Variants in SYT2 observed in about 807,000 individuals in gnomAD.
SYT2 encodes the protein synaptotagmin-2.
A neutral mutation model predicts 39.9 loss-of-function variants in SYT2; 15 were observed. The observed-to-expected ratio is 0.38, with a 90% CI of 0.25 to 0.58. The LOEUF (loss-of-function observed/expected upper bound fraction) is 0.58. SYT2 is among the 20% of genes least tolerant of loss of function. The pLI is 0.70. For missense variants in SYT2, 389 were observed against 530.3 expected, an observed-to-expected ratio of 0.73 and a Z score of 2.62; for synonymous variants, 181 against 204.5, an observed-to-expected ratio of 0.89 and a Z score of 0.98.
rs1692033415 is a variant in SYT2 at position 202,644,516 on chromosome 1, T to G, written c.-17-38727A>C. Among the ~76,000 whole-genome samples, 3 of 152,118 alleles carry G rather than the reference T, an allele frequency of 2.0e-5. No homozygotes were observed. In the South Asian group the frequency reaches 6.2e-4, roughly 32 times the overall value. On this transcript the variant is annotated intron_variant, in intron 1 of 8. Transcript: ENST00000367268. ...ACAGCTCGCCAGGTGGAATTTCTGC[T>G]GCTGTCCGGCCATTAACCACCCCTG...
chr1:202,664,938 CG>C (rs1170177357), intron 1 of SYT2, among the ~76,000 whole-genome samples: 1 of 152,178 alleles, frequency 6.6e-6, no homozygotes, highest in Non-Finnish European at 1.5e-5. Context: ...GGATTACAGG[CG>C]TGAGCCACTG....
intron 1 of SYT2, among the ~76,000 whole-genome samples, chr1:202,708,069 G>A (rs1654296943): frequency 6.6e-6 from 1 of 152,208 alleles, no homozygotes; most frequent in Non-Finnish European, 1.5e-5. Flanking sequence ...TACATGCTTT[G>A]CCCAGGTGAA....
At chr1:202,704,590 C>T (rs1312881126) in intron 1 of SYT2, among the ~76,000 whole-genome samples, 1 of 152,164 alleles carries the variant, frequency 6.6e-6, no homozygotes, top group African/African-American at 2.4e-5. Flanking sequence ...GAAGCAGTCA[C>T]ACACCCACTA....
intron 1 of SYT2, among the ~76,000 whole-genome samples, chr1:202,612,575 C>T (rs1379050925): frequency 6.6e-6 from 1 of 152,188 alleles, no homozygotes; most frequent in Non-Finnish European, 1.5e-5. Flanking sequence ...CCATGCTGCC[C>T]AGGCTGGTCT....
chr1:202,705,110 CGAG>C (rs1214007795), intron 1 of SYT2, among the ~76,000 whole-genome samples: 5 of 152,246 alleles, frequency 3.3e-5, no homozygotes, highest in African/African-American at 1.2e-4. Flanking sequence ...TGAGAAGCGG[CGAG>C]GAGAGGAGGA....
chr1:202,608,882 A>AT (rs1156533702), intron 1 of SYT2, among the ~76,000 whole-genome samples: 1 of 152,108 alleles, frequency 6.6e-6, no homozygotes. Context: ...GACAACACTT[A>AT]TTTTTTTATT....
intron 1 of SYT2, among the ~76,000 whole-genome samples, chr1:202,619,772 A>G (rs1558433473): frequency 1.3e-5 from 2 of 152,256 alleles, no homozygotes; most frequent in African/African-American, 2.4e-5. Context: ...AAGGCACTGC[A>G]GACCTGGAGG....
chr1:202,671,134 G>A (rs1399803082), intron 1 of SYT2, among the ~76,000 whole-genome samples: 2 of 152,240 alleles, frequency 1.3e-5, no homozygotes, highest in Non-Finnish European at 2.9e-5. Context: ...CCCCTGTGAG[G>A]GGCAATAGGG....
chr1:202,612,953 G>C (rs789907), intron 1 of SYT2, among the ~76,000 whole-genome samples: 2 of 151,428 alleles, frequency 1.3e-5, no homozygotes, highest in Admixed American at 6.6e-5. Flanking sequence ...CATTATAAAT[G>C]GAATTGTTTT....
At position 202,693,847 on chromosome 1, in the gene SYT2, G is replaced by GTGC. The variant is rs969758647; in HGVS notation, c.-18+16408_-18+16410dup. On this transcript the variant is annotated intron_variant, in intron 1 of 8. Transcript: ENST00000367268. ...TTAAAAGATGTTTAATTGGCTCATG[G>GTGC]TGCTTCAGGCTGTATAGGAAGCATT... Among the ~76,000 whole-genome samples the GTGC allele has an allele frequency of 7.2e-4, 110 of 152,236 alleles. 1 individual carries two copies. Among genetic ancestry groups the GTGC allele is most frequent in the Admixed American group, 9.2e-4 (14 of 15,288 alleles).
In SYT2 at chr1:202,609,084, G is replaced by A. The variant is rs113125775; in HGVS notation, c.-17-3295C>T. Among the ~76,000 whole-genome samples, 21 of 132,598 alleles carry A rather than the reference G, an allele frequency of 1.6e-4. 2 individuals carry two copies. Among genetic ancestry groups the A allele is most frequent in the African/African-American group, 6.1e-4 (21 of 34,514 alleles). 87.0% of individuals were successfully genotyped at this position (132,598 alleles called of 152,430 possible). A position where few individuals can be genotyped will look rare whatever the true frequency, so the allele number is the denominator to read the frequency against. Reference sequence around the variant, plus strand: ...GATGTTCCCCTTCCTGTGTCCATGTGTTCTCATTGTTCAATTCCCACCTAT... The same window carrying A: ...GATGTTCCCCTTCCTGTGTCCATGTATTCTCATTGTTCAATTCCCACCTAT... On this transcript the variant is annotated intron_variant, in intron 1 of 8. Coordinates refer to ENST00000367268, the MANE Select transcript of SYT2 (RefSeq NM_177402.5).
intron 1 of SYT2, among the ~76,000 whole-genome samples, chr1:202,641,219 A>G (rs1298801982): frequency 6.6e-6 from 1 of 152,206 alleles, no homozygotes; most frequent in Non-Finnish European, 1.5e-5. Flanking sequence ...TTTGAAATTC[A>G]TATACAGTAT....
At chr1:202,617,069 C>T (rs937529589) in intron 1 of SYT2, among the ~76,000 whole-genome samples, 1 of 152,240 alleles carries the variant, frequency 6.6e-6, no homozygotes, top group African/African-American at 2.4e-5. Context: ...GCCCCTCATG[C>T]TCTCCATCCA....
rs376358769 is a variant in SYT2 at position 202,627,692 on chromosome 1, A to G, written c.-17-21903T>C. The G allele has an allele frequency of 3.0e-5, 28 of 930,000 alleles. 1 individual carries two copies. Among genetic ancestry groups the G allele is most frequent in the African/African-American group, 2.7e-4 (15 of 56,184 alleles). The allele number at this position is 930,000 out of a possible 1,614,324, so 57.6% of individuals were successfully genotyped here. On this transcript the variant is annotated intron_variant, in intron 1 of 8. Coordinates refer to ENST00000367268, the MANE Select transcript of SYT2 (RefSeq NM_177402.5). ...GACCAGGAGTTGTCTGCCTTACCCA[A>G]ACTTGAAAATAACCCCTAGCATGTT...
At chr1:202,687,228 G>A (rs1461415142) in intron 1 of SYT2, among the ~76,000 whole-genome samples, 3 of 151,956 alleles carry the variant, frequency 2.0e-5, no homozygotes, top group Non-Finnish European at 4.4e-5. Context: ...CCTCCCCTCT[G>A]AGTCCCCTCC....
At chr1:202,619,894 C>A (rs1691158829) in intron 1 of SYT2, among the ~76,000 whole-genome samples, 1 of 152,194 alleles carries the variant, frequency 6.6e-6, no homozygotes, top group Non-Finnish European at 1.5e-5. Flanking sequence ...GGGAAGAGGG[C>A]ACAATTACCA....
At chr1:202,602,310 G>T in intron 5 of SYT2, 68 bp downstream of exon 5, 1 of 1,509,226 alleles carries the variant, frequency 6.6e-7, no homozygotes, top group Non-Finnish European at 9.1e-7. Context: ...CCAAGGAAAG[G>T]TCTGTAGAAC....
intron 1 of SYT2, among the ~76,000 whole-genome samples, chr1:202,702,732 C>T (rs923959157): frequency 3.3e-5 from 5 of 152,244 alleles, no homozygotes; most frequent in Admixed American, 1.3e-4. Flanking sequence ...ACCGGGCCGT[C>T]ACTTGGTCCA....
chr1:202,658,246 C>T lies in SYT2; in HGVS notation c.-18+52012G>A, dbSNP rs183805838. 3.1e-3 allele frequency among the ~76,000 whole-genome samples: 468 copies of T among 152,192 alleles called. 1 individual carries two copies. The highest frequency in any genetic ancestry group is 4.2e-3 in the Non-Finnish European group (287 of 68,002). On this transcript the variant is annotated intron_variant, in intron 1 of 8. Transcript: ENST00000367268. ...TTTGGAAAGAAAAAGGAAAAAATGA[C>T]GAGGGCATCTGCACTGGATGGTGCC... is the stretch of plus-strand genomic sequence containing the variant.
Sources: allele counts gnomAD v4.1 joint callset (sites outside exome capture counted in the v4.1 genomes callset), GRCh38; gene constraint gnomAD v4.1.1; transcripts MANE v1.5; gene names NCBI Gene and HGNC (gene_info 2026-07-23, HGNC 2026-07-21).